The following TBC1D5 variants were observed in gnomAD, a reference collection of about 807,000 sequenced individuals.
The protein encoded by TBC1D5 is TBC1 domain family member 5, also known as TBC1 domain family, member 5.
Under a neutral mutation model 100.3 loss-of-function variants are expected in TBC1D5, and 75 were observed. The ratio of observed to expected loss-of-function variants is 0.75; its 90% CI spans 0.62 to 0.91. The LOEUF (loss-of-function observed/expected upper bound fraction) is 0.91. Ranked by LOEUF, TBC1D5 falls within the 40% of genes least tolerant of loss-of-function variation. The pLI is 0.00. For missense variants in TBC1D5, 910 were observed against 942.4 expected (o/e 0.97, Z 0.45); for synonymous variants, 323 against 325.6 (o/e 0.99, Z 0.09).
chr3:17,337,938 T>A (rs1038809807), intron 13 of TBC1D5, among the ~76,000 whole-genome samples: 3 of 152,206 alleles, frequency 2.0e-5, no homozygotes, highest in Non-Finnish European at 4.4e-5. Context: ...TTAAGCTGAC[T>A]AAATGAAATA....
rs183692533 is a variant in TBC1D5 at position 17,304,894 on chromosome 3, C to T, written c.1138+3098G>A. Among the ~76,000 whole-genome samples, 202 of 152,138 alleles carry T rather than the reference C, an allele frequency of 1.3e-3. 2 individuals carry two copies. The highest frequency in any genetic ancestry group is 2.0e-3 in the Non-Finnish European group (136 of 68,004). On this transcript the variant is annotated intron_variant, in intron 14 of 21. Coordinates refer to ENST00000253692, the Ensembl canonical transcript of TBC1D5. ...GCTACATCGTTCTTCTTCCTTAACT[C>T]AAAGATCACTCTATATCTGCTATCT...
chr3:17,373,041 C>T (rs1382708667), intron 12 of TBC1D5, among the ~76,000 whole-genome samples: 1 of 152,096 alleles, frequency 6.6e-6, no homozygotes, highest in African/African-American at 2.4e-5. Context: ...TGACTGTGTT[C>T]CAAAACATTT....
chr3:17,701,094 T>G (rs879082170), intron 1 of TBC1D5, among the ~76,000 whole-genome samples: 4 of 152,096 alleles, frequency 2.6e-5, no homozygotes, highest in Non-Finnish European at 4.4e-5. Context: ...TGTCCATCAA[T>G]GATGGACTGG....
chr3:17,533,291 T>C (rs2096251391), intron 2 of TBC1D5, among the ~76,000 whole-genome samples: 1 of 151,302 alleles, frequency 6.6e-6, no homozygotes, highest in Non-Finnish European at 1.5e-5. Context: ...AAAATAAAAA[T>C]ACCCAAGCTG....
At chr3:17,293,995 A>T (rs1312815939) in intron 14 of TBC1D5, among the ~76,000 whole-genome samples, 1 of 152,216 alleles carries the variant, frequency 6.6e-6, no homozygotes, top group East Asian at 1.9e-4. Flanking sequence ...TAGAGGGGCA[A>T]GATTGGAAAC....
intron 5 of TBC1D5, among the ~76,000 whole-genome samples, chr3:17,406,163 G>C (rs906255655): frequency 1.3e-5 from 2 of 152,054 alleles, no homozygotes; most frequent in Non-Finnish European, 2.9e-5. Context: ...GTGTTGCTCT[G>C]AATTTGGCAC....
intron 17 of TBC1D5, among the ~76,000 whole-genome samples, chr3:17,221,245 T>C (rs749790471): frequency 2.0e-4 from 30 of 152,054 alleles, no homozygotes; most frequent in Non-Finnish European, 2.6e-4. Flanking sequence ...TCTTGGGTTA[T>C]CATGGTTGGC....
At chr3:17,693,907 A>G (rs569594041) in intron 1 of TBC1D5, among the ~76,000 whole-genome samples, 1 of 152,298 alleles carries the variant, frequency 6.6e-6, no homozygotes, top group African/African-American at 2.4e-5. Flanking sequence ...AGGTTCTGCA[A>G]TATTTGCTGT....
At chr3:17,707,765 G>A (rs1382589091) in intron 1 of TBC1D5, among the ~76,000 whole-genome samples, 5 of 152,064 alleles carry the variant, frequency 3.3e-5, no homozygotes, top group African/African-American at 1.2e-4. Context: ...CTTTTCTCCA[G>A]AGGAAGCCCA....
chr3:17,235,916 T>C (rs1249292219), intron 17 of TBC1D5, among the ~76,000 whole-genome samples: 1 of 152,146 alleles, frequency 6.6e-6, no homozygotes, highest in Admixed American at 6.5e-5. Flanking sequence ...TTTTTTTTTT[T>C]TGGTAGATTG....
At chr3:17,212,263 T>A (rs1479552920) in intron 18 of TBC1D5, among the ~76,000 whole-genome samples, 1 of 152,128 alleles carries the variant, frequency 6.6e-6, no homozygotes, top group Non-Finnish European at 1.5e-5. Flanking sequence ...GGTGGTCCCA[T>A]AAGACTATAA....
intron 1 of TBC1D5, among the ~76,000 whole-genome samples, chr3:17,738,983 T>C (rs768362173): frequency 9.9e-5 from 15 of 152,236 alleles, no homozygotes; most frequent in South Asian, 2.1e-4. Flanking sequence ...CTGAGATTTG[T>C]TGTTACACTG....
chr3:17,430,169 A>G (rs1053519735), intron 3 of TBC1D5, among the ~76,000 whole-genome samples: 6 of 151,758 alleles, frequency 4.0e-5, no homozygotes, highest in Non-Finnish European at 5.9e-5. Context: ...TGCTAAATGA[A>G]AATTTCCTAC....
chr3:17,423,080 C>T (rs565561447), intron 4 of TBC1D5, among the ~76,000 whole-genome samples: 1 of 152,162 alleles, frequency 6.6e-6, no homozygotes, highest in East Asian at 1.9e-4. Flanking sequence ...ATATATAGCA[C>T]ATACTATACT....
At chr3:17,305,879 T>C (rs2083343780) in intron 14 of TBC1D5, among the ~76,000 whole-genome samples, 1 of 152,196 alleles carries the variant, frequency 6.6e-6, no homozygotes, top group Admixed American at 6.5e-5. Flanking sequence ...TCTTCTCTCC[T>C]TCGATTTCAT....
Position 17,389,200 on chromosome 3 carries a change from C to T in TBC1D5, c.510-5185G>A, listed in dbSNP as rs185031616. 3.5e-3 allele frequency among the ~76,000 whole-genome samples: 540 copies of T among 152,180 alleles called. 1 individual carries two copies. The highest frequency in any genetic ancestry group is 6.1e-3 in the Non-Finnish European group (416 of 67,986). On this transcript the variant is annotated intron_variant, in intron 8 of 21. Coordinates refer to ENST00000253692, the Ensembl canonical transcript of TBC1D5. ...ATTGTGCCTCCATTTTCTTATTTAA[C>T]GATTCTCCTGTCCCCTGTATTTCCT...
intron 18 of TBC1D5, among the ~76,000 whole-genome samples, chr3:17,196,824 T>G (rs946063751): frequency 6.6e-6 from 1 of 152,204 alleles, no homozygotes; most frequent in Non-Finnish European, 1.5e-5. Context: ...ATGAACTGTA[T>G]AGAGTCAGTT....
At chr3:17,342,087 T>C (rs1402561575) in intron 13 of TBC1D5, among the ~76,000 whole-genome samples, 2 of 152,342 alleles carry the variant, frequency 1.3e-5, no homozygotes, top group Admixed American at 6.5e-5. Context: ...TTCTAAGATA[T>C]AAATATGACC....
At chr3:17,474,021 A>C (rs886756801) in intron 3 of TBC1D5, among the ~76,000 whole-genome samples, 2 of 152,106 alleles carry the variant, frequency 1.3e-5, no homozygotes, top group Non-Finnish European at 2.9e-5. Context: ...TTACAATGTA[A>C]GTAACTTTCA....
Sources: gnomAD v4.1 joint callset for allele counts (sites outside exome capture counted in the v4.1 genomes callset) on GRCh38, gnomAD v4.1.1 for gene constraint, MANE v1.5 for transcripts, NCBI Gene and HGNC (gene_info 2026-07-23, HGNC 2026-07-21) for gene names.